GREB1L: variants seen among roughly 807,000 people sequenced by gnomAD.
The protein encoded by GREB1L is GREB1-like protein.
Under a neutral mutation model 200.8 loss-of-function variants are expected in GREB1L, and 17 were observed. The ratio of observed to expected loss-of-function variants is 0.08; its 90% confidence interval spans 0.06 to 0.13. The LOEUF (loss-of-function observed/expected upper bound fraction) is 0.13. GREB1L is among the 10% of genes least tolerant of loss of function. The pLI is 1.00. For synonymous variants in GREB1L, 789 were observed against 893.0 expected, an observed-to-expected ratio of 0.88 and a Z score of 2.08; for missense variants, 1,657 against 2,367.7, an observed-to-expected ratio of 0.70 and a Z score of 6.23.
At chr18:21,250,271 GT>G (rs1424180565) in intron 1 of GREB1L, among the ~76,000 whole-genome samples, 5 of 152,182 alleles carry the variant, frequency 3.3e-5, no homozygotes, top group Non-Finnish European at 7.3e-5. Flanking sequence ...TGGTTAATCA[GT>G]TTGTAAAGAG....
At chr18:21,251,897 ATTGTG>A (rs2037711141) in intron 1 of GREB1L, among the ~76,000 whole-genome samples, 1 of 141,710 alleles carries the variant, frequency 7.1e-6, no homozygotes, top group Admixed American at 7.4e-5. Context: ...GTGAGCTGGG[ATTGTG>A]CCAGTGCACT....
At chr18:21,446,843 G>GA (rs2034249882) in intron 11 of GREB1L, among the ~76,000 whole-genome samples, 1 of 152,152 alleles carries the variant, frequency 6.6e-6, no homozygotes, top group Admixed American at 6.6e-5. Flanking sequence ...TCTTCAGAAG[G>GA]AACCATACCT....
At chr18:21,271,715 C>A (rs1395886903) in intron 1 of GREB1L, among the ~76,000 whole-genome samples, 6 of 150,794 alleles carry the variant, frequency 4.0e-5, no homozygotes, top group Admixed American at 2.6e-4. Flanking sequence ...CCCACTCATG[C>A]AGGTTGCTGT....
intron 2 of GREB1L, among the ~76,000 whole-genome samples, chr18:21,368,475 AAC>A (rs1461765044): frequency 1.3e-5 from 2 of 152,220 alleles, no homozygotes; most frequent in African/African-American, 4.8e-5. Flanking sequence ...TAAGAAAAAA[AAC>A]AGTGTTCACG....
intron 4 of GREB1L, among the ~76,000 whole-genome samples, chr18:21,386,918 C>T (rs1030720184): frequency 2.6e-5 from 4 of 152,180 alleles, no homozygotes; most frequent in African/African-American, 7.2e-5. Flanking sequence ...GGGCAATATA[C>T]TGCCTGAACC....
intron 2 of GREB1L, among the ~76,000 whole-genome samples, chr18:21,369,948 CA>C (rs201252099): frequency 1.4e-3 from 126 of 87,874 alleles, no homozygotes; most frequent in African/African-American, 2.0e-3. Context: ...GACTCCATCT[CA>C]AAAAAAAAAA....
At chr18:21,474,403 CA>C (rs112381052) in intron 16 of GREB1L, among the ~76,000 whole-genome samples, 2 of 152,186 alleles carry the variant, frequency 1.3e-5, no homozygotes, top group African/African-American at 4.8e-5. Context: ...GGTCTGACCC[CA>C]CATTTCCCTT....
intron 4 of GREB1L, among the ~76,000 whole-genome samples, chr18:21,384,797 G>A (rs1033640108): frequency 1.0e-4 from 8 of 76,390 alleles, no homozygotes; most frequent in Non-Finnish European, 1.5e-4. Context: ...CCCCGCCCCC[G>A]GCCCTGCAAA....
chr18:21,297,335 T>G (rs1035911922), intron 1 of GREB1L, among the ~76,000 whole-genome samples: 1 of 152,160 alleles, frequency 6.6e-6, no homozygotes, highest in Non-Finnish European at 1.5e-5. Flanking sequence ...CTCAAGCCAT[T>G]AGGAATGCTT....
At chr18:21,485,486 A>G in intron 17 of GREB1L, 134 bp from the exon 18 acceptor site, 1 of 710,482 alleles carries the variant, frequency 1.4e-6, no homozygotes, top group Non-Finnish European at 2.2e-6. Flanking sequence ...CGGGTTACAT[A>G]ATGAAACAGT....
At chr18:21,521,725 T>G (rs917510681) in intron 32 of GREB1L, among the ~76,000 whole-genome samples, 1 of 151,706 alleles carries the variant, frequency 6.6e-6, no homozygotes, top group Non-Finnish European at 1.5e-5. Flanking sequence ...AGAACAAGGC[T>G]AGGTGTGATG....
At position 21,351,462 on chromosome 18, in the gene GREB1L, C is replaced by G. The variant is rs1452333664; in HGVS notation, c.-119-14565C>G. ...GTGGCGCATGCCTGTAGTTCCAGCT[C>G]TTCGGGAGGCTGAGGCAGGAGAATC... is the stretch of plus-strand genomic sequence containing the variant. On this transcript the variant is annotated intron_variant, in intron 1 of 32. Coordinates refer to ENST00000424526, the MANE Select transcript of GREB1L (RefSeq NM_001142966.3). Among the ~76,000 whole-genome samples, 3 of 151,726 alleles carry G rather than the reference C, an allele frequency of 2.0e-5. No individual in the cohort carries two copies. In the South Asian group the frequency reaches 6.2e-4, roughly 32 times the overall value.
chr18:21,318,521 G>A (rs1489254993), intron 1 of GREB1L, among the ~76,000 whole-genome samples: 2 of 152,072 alleles, frequency 1.3e-5, no homozygotes, highest in Non-Finnish European at 2.9e-5. Context: ...ACATCTATGG[G>A]TCAAAACCCA....
intron 5 of GREB1L, 38 bp downstream of exon 5, chr18:21,395,599 A>T (rs1285670998): frequency 1.4e-6 from 2 of 1,429,734 alleles, no homozygotes; most frequent in South Asian, 2.7e-5. Context: ...TTCCAATATG[A>T]GGGAGTTAAA....
At chr18:21,310,544 GA>G (rs1567931720) in intron 1 of GREB1L, among the ~76,000 whole-genome samples, 2 of 152,066 alleles carry the variant, frequency 1.3e-5, no homozygotes, top group African/African-American at 2.4e-5. Context: ...GTAGCCTCTG[GA>G]AAACTCTTCT....
chr18:21,300,214 A>T (rs1309679193), intron 1 of GREB1L, among the ~76,000 whole-genome samples: 1 of 152,174 alleles, frequency 6.6e-6, no homozygotes, highest in Admixed American at 6.5e-5. Flanking sequence ...GGATCATTGC[A>T]GTTTATGGGG....
intron 11 of GREB1L, among the ~76,000 whole-genome samples, chr18:21,449,212 C>T (rs563570924): frequency 2.0e-5 from 3 of 152,208 alleles, no homozygotes; most frequent in Non-Finnish European, 2.9e-5. Context: ...GGACCAGCTC[C>T]GAGGGCATAC....
intron 1 of GREB1L, among the ~76,000 whole-genome samples, chr18:21,256,002 AT>A (rs1309415190): frequency 7.2e-5 from 11 of 152,120 alleles, no homozygotes; most frequent in African/African-American, 2.4e-4. Flanking sequence ...TATTTCTGTA[AT>A]TTTTTTTCTT....
chr18:21,346,598 G>C (rs1326543813), intron 1 of GREB1L, among the ~76,000 whole-genome samples: 2 of 151,896 alleles, frequency 1.3e-5, no homozygotes, highest in African/African-American at 4.8e-5. Flanking sequence ...AGAGGTTTCT[G>C]GTTATTCTTG....
Sources: gnomAD v4.1 joint callset for allele counts (sites outside exome capture counted in the v4.1 genomes callset) on GRCh38, gnomAD v4.1.1 for gene constraint, MANE v1.5 for transcripts, NCBI Gene and HGNC (gene_info 2026-07-23, HGNC 2026-07-21) for gene names.